The following PHKB variants were observed in gnomAD, a reference collection of about 807,000 sequenced individuals.
PHKB encodes the protein phosphorylase kinase regulatory subunit beta.
In PHKB, 122 loss-of-function variants were observed where a neutral mutation model predicts 152.1. The ratio of observed to expected loss-of-function variants is 0.80; its 90% CI spans 0.69 to 0.93. The LOEUF (loss-of-function observed/expected upper bound fraction) is 0.93, where lower values mean the gene tolerates loss of function less well. Among genes scored for constraint, PHKB ranks in the 40% least tolerant of loss-of-function variants. The probability of loss-of-function intolerance (pLI) is 0.00; values close to 1 mark genes in which losing one functional copy is unlikely to be tolerated. For synonymous variants in PHKB, 436 were observed against 464.9 expected (o/e 0.94, Z 0.80); for missense variants, 1,304 against 1,328.4 (o/e 0.98, Z 0.29).
intron 8 of PHKB, among the ~76,000 whole-genome samples, chr16:47,587,099 A>G (rs1971947181): frequency 6.6e-6 from 1 of 152,202 alleles, no homozygotes; most frequent in Non-Finnish European, 1.5e-5. Context: ...GGAAAACAAT[A>G]TCTACATACG....
chr16:47,571,702 C>G (rs774270418), intron 7 of PHKB, among the ~76,000 whole-genome samples: 28 of 152,192 alleles, frequency 1.8e-4, no homozygotes, highest in Non-Finnish European at 3.8e-4. Context: ...CCAGCTGTAT[C>G]TGCGTTGTTG....
chr16:47,693,641 G>C (rs1974101579), intron 28 of PHKB, 134 bp downstream of exon 28: 1 of 1,005,112 alleles, frequency 9.9e-7, no homozygotes, highest in African/African-American at 1.6e-5. Context: ...TGAAATACTA[G>C]AAAATAAGAC....
At chr16:47,508,352 GT>G (rs1184285229) in intron 4 of PHKB, among the ~76,000 whole-genome samples, 6 of 152,100 alleles carry the variant, frequency 3.9e-5, no homozygotes, top group Admixed American at 2.6e-4. Context: ...GGCATTCAGA[GT>G]TTTTCAGAGT....
intron 1 of PHKB, among the ~76,000 whole-genome samples, chr16:47,485,085 A>T (rs931913933): frequency 6.6e-6 from 1 of 152,192 alleles, no homozygotes; most frequent in Non-Finnish European, 1.5e-5. Context: ...TTCTTCTGTA[A>T]CATTACTTTT....
chr16:47,579,004 A>G (rs1971796788), intron 7 of PHKB, among the ~76,000 whole-genome samples: 1 of 152,024 alleles, frequency 6.6e-6, no homozygotes, highest in Non-Finnish European at 1.5e-5. Flanking sequence ...AGACTGGTAT[A>G]AATAAGGCAA....
intron 7 of PHKB, among the ~76,000 whole-genome samples, chr16:47,564,380 AAGG>A (rs1380963602): frequency 6.6e-6 from 1 of 152,142 alleles, no homozygotes; most frequent in Non-Finnish European, 1.5e-5. Flanking sequence ...TGGCTGGAGT[AAGG>A]AGGTATCTCA....
At position 47,600,622 on chromosome 16, in the gene PHKB, G is replaced by T. The variant is rs75821764; in HGVS notation, c.1363+4091G>T. 4.5e-3 allele frequency among the ~76,000 whole-genome samples: 690 copies of T among 152,272 alleles called. 5 individuals are homozygous for T. The highest frequency in any genetic ancestry group is 8.1e-3 in the Non-Finnish European group (548 of 68,020). On this transcript the variant is annotated intron_variant, in intron 13 of 30. Coordinates refer to ENST00000323584, the MANE Select transcript of PHKB (RefSeq NM_000293.3). ...CATTAGGTGATTTTTAGCCTACGACGTACCTAGCCTATATGATATAGCCTA... is the reference window on the plus strand; with the variant it reads ...CATTAGGTGATTTTTAGCCTACGACTTACCTAGCCTATATGATATAGCCTA...
At chr16:47,570,254 G>T (rs1157209086) in intron 7 of PHKB, among the ~76,000 whole-genome samples, 1 of 152,170 alleles carries the variant, frequency 6.6e-6, no homozygotes, top group African/African-American at 2.4e-5. Flanking sequence ...ATGACCATAT[G>T]CCTTGGTGAT....
intron 6 of PHKB, among the ~76,000 whole-genome samples, chr16:47,542,464 G>T (rs1209951653): frequency 6.6e-6 from 1 of 152,106 alleles, no homozygotes; most frequent in Non-Finnish European, 1.5e-5. Flanking sequence ...TTTTGCTTAG[G>T]ATTCTCTTGG....
intron 7 of PHKB, chr16:47,565,313 A>T: frequency 1.3e-6 from 1 of 765,698 alleles, no homozygotes; most frequent in Non-Finnish European, 2.4e-6. Context: ...GTCTTTGGGG[A>T]CATTCATCCC....
intron 10 of PHKB, chr16:47,590,933 T>G (rs1597107797): frequency 6.6e-6 from 1 of 152,190 alleles, no homozygotes; most frequent in East Asian, 1.9e-4. Context: ...AGCCTTTCAT[T>G]TCTGCATGGT....
At chr16:47,683,656 G>C (rs1471658840) in intron 26 of PHKB, among the ~76,000 whole-genome samples, 1 of 152,168 alleles carries the variant, frequency 6.6e-6, no homozygotes, top group Non-Finnish European at 1.5e-5. Flanking sequence ...TCCAGGTGCT[G>C]TCTGTCACCC....
chr16:47,538,017 C>T (rs542450963), intron 6 of PHKB, among the ~76,000 whole-genome samples: 3 of 152,144 alleles, frequency 2.0e-5, no homozygotes, highest in South Asian at 2.1e-4. Flanking sequence ...CTCAGCCTCC[C>T]GAGCAGCTGG....
chr16:47,686,029 C>T (rs914502585), intron 26 of PHKB, among the ~76,000 whole-genome samples: 11 of 152,248 alleles, frequency 7.2e-5, no homozygotes, highest in Non-Finnish European at 1.0e-4. Flanking sequence ...CATGAGCCAC[C>T]GTACCCAGCC....
chr16:47,618,700 A>C (rs886503103), intron 14 of PHKB, among the ~76,000 whole-genome samples: 6 of 152,288 alleles, frequency 3.9e-5, no homozygotes, highest in Admixed American at 3.9e-4. Context: ...TCTTAGAAAA[A>C]CAGTGTCTGC....
chr16:47,592,359 C>G (rs937472333), intron 10 of PHKB, among the ~76,000 whole-genome samples: 1 of 152,250 alleles, frequency 6.6e-6, no homozygotes, highest in African/African-American at 2.4e-5. Flanking sequence ...CCTTCCCGAT[C>G]TGGCTGGCCT....
chr16:47,610,926 G>T lies in PHKB; in HGVS notation c.1458+6G>T, dbSNP rs983425062. ...GCATGAGGTTTTCCAATCAGGTAAA[G>T]AATTATTCTATTTCTTGATTTAGAC... On this transcript the variant is annotated splice_donor_region_variant and intron_variant, in intron 14 of 30. Transcript: ENST00000323584. 2.0e-6 allele frequency: 3 copies of T among 1,501,652 alleles called. No homozygotes were observed. Among genetic ancestry groups the T allele is most frequent in the Non-Finnish European group, 2.8e-6 (3 of 1,077,404 alleles). 93.0% of individuals were successfully genotyped at this position (1,501,652 alleles called of 1,614,324 possible).
chr16:47,611,613 G>T (rs1972429170), intron 14 of PHKB, among the ~76,000 whole-genome samples: 2 of 151,938 alleles, frequency 1.3e-5, no homozygotes, highest in African/African-American at 4.8e-5. Context: ...ACAGAAGATA[G>T]GCTTACAAAT....
chr16:47,647,191 G>A (rs1052856871), intron 16 of PHKB, among the ~76,000 whole-genome samples: 1 of 151,814 alleles, frequency 6.6e-6, no homozygotes, highest in South Asian at 2.1e-4. Context: ...TGGCACCATC[G>A]TGGTTCACTG....
Sources: allele counts gnomAD v4.1 joint callset (sites outside exome capture counted in the v4.1 genomes callset), GRCh38; gene constraint gnomAD v4.1.1; transcripts MANE v1.5; gene names NCBI Gene and HGNC (gene_info 2026-07-23, HGNC 2026-07-21).